KIF26B: variants seen among roughly 807,000 people sequenced by gnomAD.
KIF26B encodes kinesin family member 26B.
Under a neutral mutation model 151.2 loss-of-function variants are expected in KIF26B, and 63 were observed. The observed-to-expected ratio is 0.42, with a 90% CI of 0.34 to 0.51. The LOEUF is 0.51. Among genes scored for constraint, KIF26B ranks in the 20% least tolerant of loss-of-function variants. KIF26B has a pLI of 0.07. For synonymous variants in KIF26B, 1,357 were observed against 1,262.1 expected (o/e 1.08, Z -1.59); for missense variants, 2,813 against 2,913.6 (o/e 0.97, Z 0.79).
chr1:245,563,412 G>A lies in KIF26B; in HGVS notation c.1350+22462G>A, dbSNP rs1021030231. Among the ~76,000 whole-genome samples the A allele has an allele frequency of 1.3e-5, 2 of 152,086 alleles. No individual in the cohort carries two copies. Among genetic ancestry groups the A allele is most frequent in the African/African-American group, 4.8e-5 (2 of 41,390 alleles). On this transcript the variant is annotated intron_variant, in intron 5 of 14. Transcript: ENST00000407071. The surrounding 1 kb of genome is among the most constrained non-coding windows in gnomAD (Gnocchi z 4.6). ...TCTTCTCAAGGATCACTGGTCTTTC[G>A]CATATACCCTCTTGCTCCCGAATCA...
chr1:245,159,282 A>G (rs924281817), intron 2 of KIF26B, among the ~76,000 whole-genome samples: 7 of 152,232 alleles, frequency 4.6e-5, no homozygotes, highest in African/African-American at 1.7e-4. Flanking sequence ...GTGGTATTAA[A>G]TGTCTCCTAG....
rs1173797028 is a variant in KIF26B at position 245,686,932 on chromosome 1, G to A, written c.3949G>A (p.Glu1317Lys). 1.2e-6 allele frequency: 2 copies of A among 1,613,348 alleles called. No homozygotes were observed. The highest frequency in any genetic ancestry group is 2.2e-5 in the East Asian group (1 of 44,866). Residue 1317 changes from glutamate (E) to lysine (K), a missense_variant, in exon 12 of 15, where the codon GAG becomes AAG. Glu to Lys is a moderately conservative substitution (Grantham distance 56). Coordinates refer to ENST00000407071, the MANE Select transcript of KIF26B (RefSeq NM_018012.4). This position sits in a 1 kb window ranked among gnomAD's most constrained non-coding sequence, Gnocchi z 5.6. ...GEAMAEPVAS[E>K]FVSSLQNTAV... ...GGCAATGGCAGAACCTGTGGCCTCG[G>A]AGTTTGTCAGCAGCCTCCAGAACAC...
At chr1:245,679,408 A>C (rs921961511) in intron 10 of KIF26B, among the ~76,000 whole-genome samples, 3 of 151,356 alleles carry the variant, frequency 2.0e-5, no homozygotes, top group African/African-American at 4.9e-5. Context: ...TGATTTTAAA[A>C]AGACATTTTT....
chr1:245,213,565 AAGGGCGTGGGGCAGGAAGGC>A (rs1442474196), intron 2 of KIF26B, among the ~76,000 whole-genome samples: 2 of 151,942 alleles, frequency 1.3e-5, no homozygotes, highest in Non-Finnish European at 2.9e-5. Flanking sequence ...AGAAGAAAAG[AAGGGCGTGGGGCAGGAAGGC>A]AGGGCCAGAC....
Position 245,488,011 on chromosome 1 carries a change from C to T in KIF26B, c.1167-52756C>T, listed in dbSNP as rs1001569957. Among the ~76,000 whole-genome samples the T allele has an allele frequency of 6.6e-6, 1 of 152,106 alleles. No individual in the cohort carries two copies. Among genetic ancestry groups the T allele is most frequent in the African/African-American group, 2.4e-5 (1 of 41,398 alleles). The stretch of plus-strand genomic sequence containing the variant: ...CCAAGTCGGCCACGTTGGTCTCGAA[C>T]TTCTGACCTCAGGTGATCCACCCAC... On this transcript the variant is annotated intron_variant, in intron 4 of 14. Coordinates refer to ENST00000407071, the MANE Select transcript of KIF26B (RefSeq NM_018012.4). The surrounding 1 kb of genome is among the most constrained non-coding windows in gnomAD (Gnocchi z 4.6).
At chr1:245,590,209 A>C (rs945719939) in intron 5 of KIF26B, among the ~76,000 whole-genome samples, 1 of 151,300 alleles carries the variant, frequency 6.6e-6, no homozygotes, top group East Asian at 2.0e-4. Context: ...CCACCCGGCG[A>C]GTCAGAGCAG....
intron 2 of KIF26B, among the ~76,000 whole-genome samples, chr1:245,159,223 A>G (rs75417275): frequency 0.021 from 3,131 of 152,294 alleles, 103 homozygotes; most frequent in African/African-American, 0.071. Flanking sequence ...TAAGATGCTT[A>G]CCTGCATTTG....
At chr1:245,657,464 T>G (rs1390532032) in intron 10 of KIF26B, among the ~76,000 whole-genome samples, 1 of 152,202 alleles carries the variant, frequency 6.6e-6, no homozygotes, top group East Asian at 1.9e-4. Flanking sequence ...TTTGTTTTCT[T>G]TACATTCCAC....
intron 2 of KIF26B, among the ~76,000 whole-genome samples, chr1:245,351,724 T>G (rs950666948): frequency 6.6e-6 from 1 of 152,200 alleles, no homozygotes; most frequent in Non-Finnish European, 1.5e-5. Flanking sequence ...GTCTTCAGAA[T>G]TCAGGTCCAG....
chr1:245,276,891 T>C (rs868031846), intron 2 of KIF26B, among the ~76,000 whole-genome samples: 2 of 152,194 alleles, frequency 1.3e-5, no homozygotes, highest in Non-Finnish European at 2.9e-5. Flanking sequence ...TGAAGGTCTT[T>C]ACAGATGTAA....
intron 9 of KIF26B, among the ~76,000 whole-genome samples, chr1:245,613,486 TAGTTGGGGGTCTG>T (rs2043550520): frequency 6.6e-6 from 1 of 152,138 alleles, no homozygotes. Context: ...ACCTCCCAGC[TAGTTGGGGGTCTG>T]AGGCAGGAGA....
chr1:245,432,619 T>C (rs1055890603), intron 4 of KIF26B, among the ~76,000 whole-genome samples: 1 of 152,252 alleles, frequency 6.6e-6, no homozygotes, highest in African/African-American at 2.4e-5. Flanking sequence ...TTATTTTAAT[T>C]CTATAGCTGT....
At chr1:245,694,294 C>G (rs1375681958) in intron 12 of KIF26B, among the ~76,000 whole-genome samples, 3 of 152,230 alleles carry the variant, frequency 2.0e-5, no homozygotes, top group Non-Finnish European at 2.9e-5. Flanking sequence ...TTCTCTTTCT[C>G]TCTCTGCTCT....
At chr1:245,431,542 C>T (rs1456783665) in intron 4 of KIF26B, among the ~76,000 whole-genome samples, 1 of 152,154 alleles carries the variant, frequency 6.6e-6, no homozygotes, top group East Asian at 1.9e-4. Context: ...GACAGGGTTT[C>T]ACTATGTTGG....
intron 2 of KIF26B, among the ~76,000 whole-genome samples, chr1:245,287,798 C>T (rs1057217383): frequency 3.3e-5 from 5 of 152,128 alleles, no homozygotes; most frequent in African/African-American, 7.2e-5. Context: ...GCACCGCGCC[C>T]GGCCTGATCT....
intron 2 of KIF26B, among the ~76,000 whole-genome samples, chr1:245,233,825 T>TG (rs1670047871): frequency 1.3e-5 from 2 of 152,142 alleles, no homozygotes; most frequent in Non-Finnish European, 2.9e-5. Flanking sequence ...CCCAGCTTCA[T>TG]AAATACATGT....
At chr1:245,503,366 C>T (rs1660661553) in intron 4 of KIF26B, among the ~76,000 whole-genome samples, 1 of 152,162 alleles carries the variant, frequency 6.6e-6, no homozygotes, top group South Asian at 2.1e-4. Context: ...ACCTACCACC[C>T]TGTATATACC....
intron 5 of KIF26B, among the ~76,000 whole-genome samples, chr1:245,584,107 G>A (rs1027710698): frequency 2.6e-5 from 4 of 152,110 alleles, no homozygotes; most frequent in Admixed American, 2.0e-4. Flanking sequence ...TGGATCCCTC[G>A]TGACTCGGTG....
chr1:245,578,675 G>A (rs1478827623), intron 5 of KIF26B, among the ~76,000 whole-genome samples: 2 of 152,200 alleles, frequency 1.3e-5, no homozygotes, highest in African/African-American at 4.8e-5. Context: ...TGTTTCCCTT[G>A]TATAAAGGTA....
Sources: allele counts gnomAD v4.1 joint callset (sites outside exome capture counted in the v4.1 genomes callset), GRCh38; gene constraint gnomAD v4.1.1; non-coding constraint Gnocchi (gnomAD v3.1); transcripts MANE v1.5; gene names NCBI Gene and HGNC (gene_info 2026-07-23, HGNC 2026-07-21).